The following EPB42 variants were observed in gnomAD, a reference collection of about 807,000 sequenced individuals.
EPB42 encodes the protein erythrocyte membrane protein band 4.2.
A neutral mutation model predicts 76.9 loss-of-function variants in EPB42; 49 were observed. The observed-to-expected ratio is 0.64, with a 90% confidence interval of 0.51 to 0.81. The LOEUF is 0.81. Among genes scored for constraint, EPB42 ranks in the 30% least tolerant of loss-of-function variants. EPB42 has a pLI of 0.00. For synonymous variants in EPB42, 310 were observed against 338.4 expected (o/e 0.92, Z 0.92); for missense variants, 731 against 867.6 (o/e 0.84, Z 1.98).
Position 43,198,106 on chromosome 15 carries a change from G to A in EPB42, c.1914-642C>T, listed in dbSNP as rs190083369. 6.0e-4 allele frequency among the ~76,000 whole-genome samples: 91 copies of A among 152,238 alleles called. 1 individual carries two copies. The South Asian group carries it at 0.011, about 18-fold the overall frequency. On this transcript the variant is annotated intron_variant, in intron 12 of 12. Transcript: ENST00000441366. ...TCTCAGGTATGTCTTTATCAGCAGC[G>A]TGAAAACAAACAATACAGTAAATTG... is the stretch of plus-strand genomic sequence containing the variant.
intron 1 of EPB42, among the ~76,000 whole-genome samples, chr15:43,217,841 T>C (rs1347369530): frequency 2.0e-5 from 3 of 152,382 alleles, no homozygotes; most frequent in Non-Finnish European, 4.4e-5. Flanking sequence ...CCAGTCTCTC[T>C]GACTTAGAGC....
Position 43,201,817 on chromosome 15 carries a change from G to A in EPB42, c.1913+27C>T, listed in dbSNP as rs1220840333. 1.5e-5 allele frequency: 24 copies of A among 1,614,174 alleles called. 2 individuals carry two copies. In the South Asian group the frequency reaches 2.2e-4, roughly 15 times the overall value. On this transcript the variant is annotated intron_variant, in intron 12 of 12. Transcript: ENST00000441366. ...TTTCTGACCCATTGAGACATTTCAG[G>A]GGGATGAGAAGCCTGCCATCACTTA...
At position 43,203,196 on chromosome 15, in the gene EPB42, G is replaced by A. The variant is rs372410152; in HGVS notation, c.1698C>T (p.Ala566=). The A allele has an allele frequency of 6.2e-7, 1 of 1,614,120 alleles. No individual in the cohort carries two copies. Among genetic ancestry groups the A allele is most frequent in the African/African-American group, 1.3e-5 (1 of 75,010 alleles). Reference sequence around the variant, plus strand: ...GGTTGGATTCAGAGTGTGTTGCCATGGCGGTGAGTCTAAGGAAGGTGTTCT... The same window carrying A: ...GGTTGGATTCAGAGTGTGTTGCCATAGCGGTGAGTCTAAGGAAGGTGTTCT... ...PPENTFLRLT[A]MATHSESNLS... is the part of the protein sequence containing the mutation. Residue 566 remains alanine, a synonymous_variant, in exon 11 of 13, where the codon GCC becomes GCT. Coordinates refer to ENST00000441366, the MANE Select transcript of EPB42 (RefSeq NM_001114134.2).
chr15:43,214,814 C>T (rs757408034), intron 3 of EPB42, among the ~76,000 whole-genome samples: 11 of 152,124 alleles, frequency 7.2e-5, no homozygotes, highest in Non-Finnish European at 1.2e-4. Flanking sequence ...CTCCTGTGAC[C>T]AAAATAGCCT....
intron 3 of EPB42, among the ~76,000 whole-genome samples, chr15:43,213,998 T>C (rs1336015245): frequency 2.0e-5 from 3 of 152,170 alleles, no homozygotes; most frequent in African/African-American, 7.2e-5. Context: ...CACCTCCCCA[T>C]GTTTCCGTCA....
chr15:43,215,035 A>T, intron 3 of EPB42, 60 bp downstream of exon 3: 1 of 1,455,938 alleles, frequency 6.9e-7, no homozygotes, highest in Non-Finnish European at 9.5e-7. Context: ...CCAGAGCTGC[A>T]CCCCAGCTCC....
chr15:43,208,034 C>T (rs899494245), intron 8 of EPB42, among the ~76,000 whole-genome samples, 196 bp downstream of exon 8: 3 of 152,194 alleles, frequency 2.0e-5, no homozygotes, highest in African/African-American at 4.8e-5. Flanking sequence ...GCCTTGTAGC[C>T]GGGATAGCAG....
At position 43,198,953 on chromosome 15, in the gene EPB42, G is replaced by A. The variant is rs1430224990; in HGVS notation, c.1914-1489C>T. On this transcript the variant is annotated intron_variant, in intron 12 of 12. Coordinates refer to ENST00000441366, the MANE Select transcript of EPB42 (RefSeq NM_001114134.2). ...TCCAAATGGTGTTGAGCCTATGGGT[G>A]CACAGAAGTCAAGAACTGAGGTTTG... 2.0e-5 allele frequency among the ~76,000 whole-genome samples: 3 copies of A among 152,342 alleles called. No homozygotes were observed. The East Asian group carries it at 5.8e-4, about 29-fold the overall frequency.
chr15:43,218,023 G>C (rs908708856), intron 1 of EPB42, among the ~76,000 whole-genome samples: 7 of 152,126 alleles, frequency 4.6e-5, no homozygotes, highest in Non-Finnish European at 8.8e-5. Context: ...TCATGTCCCT[G>C]GGTGCCCCTT....
chr15:43,218,284 T>C (rs2042407553), intron 1 of EPB42, among the ~76,000 whole-genome samples: 1 of 152,206 alleles, frequency 6.6e-6, no homozygotes, highest in Non-Finnish European at 1.5e-5. Context: ...AGCCTCCGTG[T>C]ATCCGAACCC....
intron 2 of EPB42, 92 bp downstream of exon 2, chr15:43,216,176 C>T: frequency 1.3e-6 from 2 of 1,499,300 alleles, no homozygotes; most frequent in Non-Finnish European, 1.8e-6. Flanking sequence ...GCAGTGTGGG[C>T]CATTTGTCCC....
At chr15:43,205,072 T>C (rs2042181407) in intron 10 of EPB42, among the ~76,000 whole-genome samples, 1 of 151,792 alleles carries the variant, frequency 6.6e-6, no homozygotes, top group Admixed American at 6.6e-5. Flanking sequence ...AGTTCTTTCT[T>C]GTTAAAATGA....
chr15:43,203,269 A>G lies in EPB42; in HGVS notation c.1625T>C (p.Ile542Thr). 2 of 1,614,214 alleles carry G rather than the reference A, an allele frequency of 1.2e-6. No homozygotes were observed. The highest frequency in any genetic ancestry group is 1.7e-6 in the Non-Finnish European group (2 of 1,180,044). ...GGAGAAGAACAGGCCGATGGTTATT[A>G]TCTTTTCTGAAACACATGACAGGTG... The part of the protein sequence containing the change: ...HLTLSANLEK[I>T]ITIGLFFSNF... Residue 542 changes from isoleucine to threonine, a missense_variant, in exon 11 of 13, where the codon ATA (isoleucine) becomes ACA (threonine). Physicochemically the swap from Ile to Thr is moderately conservative, Grantham distance 89 (BLOSUM62 -1). Transcript: ENST00000441366.
chr15:43,212,369 C>CAA (rs35031544), intron 3 of EPB42, among the ~76,000 whole-genome samples: 1 of 86,896 alleles, frequency 1.2e-5, no homozygotes, highest in Non-Finnish European at 2.4e-5. Flanking sequence ...AACTCCGTCT[C>CAA]AAAAAAAAAA....
chr15:43,220,949 T>G lies in EPB42; in HGVS notation c.-124A>C. 1 of 866,352 alleles carries G rather than the reference T, an allele frequency of 1.2e-6. No individual in the cohort carries two copies. The highest frequency in any genetic ancestry group is 1.9e-6 in the Non-Finnish European group (1 of 527,692). 53.7% of individuals were successfully genotyped at this position (866,352 alleles called of 1,614,324 possible). ...AAATATGAAGGCACTTTTGTTGGCT[T>G]AAGAATCTGGAAATAGCAAAACCTC... On this transcript the variant is annotated 5_prime_UTR_variant, in exon 1 of 13. Coordinates refer to ENST00000441366, the MANE Select transcript of EPB42 (RefSeq NM_001114134.2).
At position 43,211,399 on chromosome 15, in the gene EPB42, C is replaced by T; in HGVS notation, c.549+17G>A. On this transcript the variant is annotated intron_variant, in intron 4 of 12. Coordinates refer to ENST00000441366, the MANE Select transcript of EPB42 (RefSeq NM_001114134.2). ...GACAGTCACTCTACACACTCCTCCCCTAGAGGGCCCTGGTACCTGGCCAAA... is the reference window on the plus strand; with the variant it reads ...GACAGTCACTCTACACACTCCTCCCTTAGAGGGCCCTGGTACCTGGCCAAA... The T allele has an allele frequency of 6.6e-7, 1 of 1,508,386 alleles. No homozygotes were observed. Among genetic ancestry groups the T allele is most frequent in the South Asian group, 1.1e-5 (1 of 88,998 alleles). The allele number at this position is 1,508,386 out of a possible 1,614,324, so 93.4% of individuals were successfully genotyped here. A position where few individuals can be genotyped will look rare whatever the true frequency, so the allele number is the denominator to read the frequency against.
chr15:43,209,361 C>T lies in EPB42; in HGVS notation c.745G>A (p.Val249Met), dbSNP rs368756068. Residue 249 changes from valine to methionine, a missense_variant, in exon 6 of 13, where the codon GTG becomes ATG. By Grantham distance (21) the Val-to-Met change is conservative. Coordinates refer to ENST00000441366, the MANE Select transcript of EPB42 (RefSeq NM_001114134.2). ...GTGAGCCACTGCCGCAGGATGGGCACGCTGCCCCGGCGCTTGTTCAGCAAG... is the reference window on the plus strand; with the variant it reads ...GTGAGCCACTGCCGCAGGATGGGCATGCTGCCCCGGCGCTTGTTCAGCAAG... ...GALLNKRRGS[V>M]PILRQWLTGR... 5.0e-6 allele frequency: 8 copies of T among 1,614,082 alleles called. No individual in the cohort carries two copies. In the Admixed American group the frequency reaches 6.7e-5, roughly 13 times the overall value.
At chr15:43,225,155 G>T (rs1040412880), upstream of EPB42, among the ~76,000 whole-genome samples, 2 of 152,202 alleles carry the variant, frequency 1.3e-5, no homozygotes, top group African/African-American at 4.8e-5. Context: ...GTATGTGTGC[G>T]TGGGGAGAAT....
upstream of EPB42, among the ~76,000 whole-genome samples, chr15:43,223,843 G>A (rs574934779): frequency 1.1e-4 from 17 of 152,298 alleles, no homozygotes; most frequent in Admixed American, 9.8e-4. Flanking sequence ...ACATGGTGGT[G>A]GGTGCCTGTA....
Sources: allele counts gnomAD v4.1 joint callset (sites outside exome capture counted in the v4.1 genomes callset), GRCh38; gene constraint gnomAD v4.1.1; transcripts MANE v1.5; gene names NCBI Gene and HGNC (gene_info 2026-07-23, HGNC 2026-07-21).